RBPJ: variants seen among roughly 807,000 people sequenced by gnomAD.
RBPJ encodes the protein recombining binding protein suppressor of hairless.
In RBPJ, 9 loss-of-function variants were observed where a neutral mutation model predicts 67.8. That is an observed-to-expected ratio of 0.13 (90% CI 0.08 to 0.23). The LOEUF is 0.23. RBPJ is among the 10% of genes least tolerant of loss of function. The probability of loss-of-function intolerance (pLI) is 1.00; values close to 1 mark genes in which losing one functional copy is unlikely to be tolerated. For missense variants in RBPJ, 305 were observed against 595.6 expected (o/e 0.51, Z 5.08); for synonymous variants, 198 against 203.3 (o/e 0.97, Z 0.22).
At chr4:26,230,751 TC>T (rs1263305883) in intron 1 of RBPJ, among the ~76,000 whole-genome samples, 1 of 152,258 alleles carries the variant, frequency 6.6e-6, no homozygotes, top group Non-Finnish European at 1.5e-5. Context: ...CTATTTTTTT[TC>T]AAATAACCAT....
chr4:26,333,845 A>G (rs1029370866), intron 1 of RBPJ, among the ~76,000 whole-genome samples: 1 of 152,034 alleles, frequency 6.6e-6, no homozygotes, highest in Admixed American at 6.5e-5. Flanking sequence ...TTGCACTACC[A>G]TGCCTGCCTA....
the RBPJ span, among the ~76,000 whole-genome samples, chr4:26,149,879 G>T: frequency 6.6e-6 from 1 of 152,114 alleles, no homozygotes; most frequent in Non-Finnish European, 1.5e-5. Context: ...TTTCCTCCAG[G>T]TTTGCCAGCT....
At chr4:26,187,434 A>G (rs1717311253) in intron 1 of RBPJ, among the ~76,000 whole-genome samples, 1 of 151,194 alleles carries the variant, frequency 6.6e-6, no homozygotes, top group Non-Finnish European at 1.5e-5. Context: ...TCCTCTGACT[A>G]CTAGGCTCTA....
intron 7 of RBPJ, among the ~76,000 whole-genome samples, chr4:26,427,222 C>CAAG (rs1735767175): frequency 6.6e-6 from 1 of 152,118 alleles, no homozygotes; most frequent in African/African-American, 2.4e-5. Context: ...TGAGAGAAAG[C>CAAG]AAGGCATCAA....
intron 1 of RBPJ, among the ~76,000 whole-genome samples, chr4:26,257,940 A>G (rs1324094104): frequency 6.6e-6 from 1 of 152,252 alleles, no homozygotes; most frequent in Non-Finnish European, 1.5e-5. Flanking sequence ...GCTATGACCC[A>G]TGAAAGTGTG....
chr4:26,372,630 G>A (rs1179452756), intron 1 of RBPJ, among the ~76,000 whole-genome samples: 2 of 152,060 alleles, frequency 1.3e-5, no homozygotes, highest in Non-Finnish European at 2.9e-5. Context: ...TTGCCACCCC[G>A]ACTCACTCTC....
At chr4:26,397,653 A>G (rs1732275836) in intron 2 of RBPJ, among the ~76,000 whole-genome samples, 2 of 151,972 alleles carry the variant, frequency 1.3e-5, no homozygotes, top group Admixed American at 6.6e-5. Context: ...TTGTTTTTTG[A>G]GACAGAGTCT....
At chr4:26,144,683 C>G in the RBPJ span, among the ~76,000 whole-genome samples, 9 of 152,298 alleles carry the variant, frequency 5.9e-5, no homozygotes, top group East Asian at 1.5e-3. Flanking sequence ...GCCACCCACA[C>G]CCCAGTAGCT....
chr4:26,117,902 C>T, the RBPJ span, among the ~76,000 whole-genome samples: 18,175 of 151,900 alleles, frequency 0.12, 1,191 homozygotes, highest in Middle Eastern at 0.2. Context: ...TTTAAAAGTA[C>T]AAACAACTAT....
intron 1 of RBPJ, among the ~76,000 whole-genome samples, chr4:26,180,879 G>A (rs1019193072): frequency 6.6e-6 from 1 of 152,162 alleles, no homozygotes; most frequent in African/African-American, 2.4e-5. Flanking sequence ...TGTAGACTAG[G>A]GATTTACATG....
At chr4:26,109,456 C>CTATATATA in the RBPJ span, among the ~76,000 whole-genome samples, 2 of 18,684 alleles carry the variant, frequency 1.1e-4, no homozygotes, top group African/African-American at 3.1e-4. Flanking sequence ...CTCTCTCTCT[C>CTATATATA]TCTCTATATA....
chr4:26,114,486 TA>T, the RBPJ span, among the ~76,000 whole-genome samples: 1 of 71,304 alleles, frequency 1.4e-5, no homozygotes, highest in Non-Finnish European at 3.2e-5. Context: ...TACATATATA[TA>T]TATATATATA....
At chr4:26,173,421 C>T (rs1037748341) in intron 1 of RBPJ, among the ~76,000 whole-genome samples, 1 of 152,216 alleles carries the variant, frequency 6.6e-6, no homozygotes, top group Non-Finnish European at 1.5e-5. Flanking sequence ...CAGGCATGAG[C>T]CACTGCGCCC....
At position 26,430,818 on chromosome 4, in the gene RBPJ, C is replaced by T; in HGVS notation, c.1275C>T (p.Thr425=). The T allele has an allele frequency of 6.2e-7, 1 of 1,614,000 alleles. No individual in the cohort carries two copies. The highest frequency in any genetic ancestry group is 1.3e-5 in the African/African-American group (1 of 74,958). ...GAAATGATGGAATCATTTATTCCAC[C>T]AGCCTTACCTTTACCTACACACCAG... The part of the protein sequence containing the change: ...LVRNDGIIYS[T]SLTFTYTPEP... Residue 425 remains threonine (T), a synonymous_variant, in exon 11 of 11, where the codon ACC becomes ACT. Transcript: ENST00000355476. This position sits in a 1 kb window ranked among gnomAD's most constrained non-coding sequence, Gnocchi z 4.1.
intron 1 of RBPJ, among the ~76,000 whole-genome samples, chr4:26,242,705 TAA>T (rs1025631996): frequency 0.017 from 1,694 of 100,354 alleles, 35 homozygotes; most frequent in African/African-American, 0.06. Context: ...CACTCATAGT[TAA>T]AAAAAAAAAA....
At chr4:26,423,576 C>T (rs1451677955) in intron 5 of RBPJ, among the ~76,000 whole-genome samples, 2 of 152,142 alleles carry the variant, frequency 1.3e-5, no homozygotes, top group Non-Finnish European at 2.9e-5. Context: ...GTGGTGTGCT[C>T]TCTTGCACTA....
At chr4:26,147,997 T>C in the RBPJ span, among the ~76,000 whole-genome samples, 1 of 152,202 alleles carries the variant, frequency 6.6e-6, no homozygotes, top group Non-Finnish European at 1.5e-5. Context: ...AACTCTGAAG[T>C]TGAGGCTCAG....
chr4:26,156,690 G>C, the RBPJ span, among the ~76,000 whole-genome samples: 1 of 151,862 alleles, frequency 6.6e-6, no homozygotes, highest in Non-Finnish European at 1.5e-5. Flanking sequence ...CCTGACCTCC[G>C]GTGATCCATC....
At chr4:26,379,045 A>C (rs1730047433) in intron 1 of RBPJ, among the ~76,000 whole-genome samples, 1 of 152,118 alleles carries the variant, frequency 6.6e-6, no homozygotes, top group African/African-American at 2.4e-5. Context: ...TAAATAAATA[A>C]AATAAAATAA....
Sources: gnomAD v4.1 joint callset for allele counts (sites outside exome capture counted in the v4.1 genomes callset) on GRCh38, gnomAD v4.1.1 for gene constraint, Gnocchi (gnomAD v3.1) non-coding constraint, MANE v1.5 for transcripts, NCBI Gene and HGNC (gene_info 2026-07-23, HGNC 2026-07-21) for gene names.